The following FNBP1L variants were observed in gnomAD, a reference collection of about 807,000 sequenced individuals.
The protein encoded by FNBP1L is formin-binding protein 1-like.
A neutral mutation model predicts 91.2 loss-of-function variants in FNBP1L; 36 were observed. That is an observed-to-expected ratio of 0.39 (90% confidence interval 0.30 to 0.52). The LOEUF (loss-of-function observed/expected upper bound fraction) is 0.52. Ranked by LOEUF, FNBP1L falls within the 20% of genes least tolerant of loss-of-function variation. The probability of loss-of-function intolerance (pLI) is 0.66; values close to 1 mark genes in which losing one functional copy is unlikely to be tolerated. For missense variants in FNBP1L, 571 were observed against 732.1 expected (o/e 0.78, Z 2.54); for synonymous variants, 242 against 237.0 (o/e 1.02, Z -0.19).
intron 2 of FNBP1L, among the ~76,000 whole-genome samples, chr1:93,511,986 A>G (rs897807227): frequency 4.6e-5 from 7 of 150,602 alleles, no homozygotes; most frequent in Non-Finnish European, 5.9e-5. Flanking sequence ...AAAAAAAAAA[A>G]AAGAGTCAAG....
intron 5 of FNBP1L, among the ~76,000 whole-genome samples, chr1:93,527,803 A>G (rs1302764709): frequency 2.6e-5 from 4 of 152,172 alleles, no homozygotes; most frequent in Non-Finnish European, 4.4e-5. Context: ...AATATGCAGG[A>G]AAGAAGGCAA....
intron 1 of FNBP1L, among the ~76,000 whole-genome samples, chr1:93,451,274 T>TA (rs1570752854): frequency 2.0e-5 from 3 of 152,228 alleles, no homozygotes; most frequent in East Asian, 3.8e-4. Flanking sequence ...AGCTTTTTTT[T>TA]AACAGATAGG....
At chr1:93,546,109 G>A (rs532655910) in intron 12 of FNBP1L, among the ~76,000 whole-genome samples, 2 of 152,128 alleles carry the variant, frequency 1.3e-5, no homozygotes, top group Admixed American at 6.5e-5. Context: ...AGGAAGAGAC[G>A]AGAAGAAACC....
chr1:93,551,318 T>G, intron 16 of FNBP1L: 1 of 1,241,714 alleles, frequency 8.1e-7, no homozygotes, highest in Non-Finnish European at 1.0e-6. Context: ...ACTGTTTGAG[T>G]AACGTTGGTG....
chr1:93,516,493 A>G (rs1011979647), intron 2 of FNBP1L, among the ~76,000 whole-genome samples: 3 of 152,288 alleles, frequency 2.0e-5, no homozygotes, highest in Middle Eastern at 3.4e-3. Flanking sequence ...TCCCTTGACC[A>G]CTAATAAACT....
At chr1:93,531,880 C>A (rs1404579185) in intron 7 of FNBP1L, among the ~76,000 whole-genome samples, 2 of 151,484 alleles carry the variant, frequency 1.3e-5, no homozygotes, top group African/African-American at 2.4e-5. Flanking sequence ...TAACTGCTGT[C>A]AATGAAACAG....
rs750218936 is a variant in FNBP1L, at chr1:93,553,613, C to T, written c.*1197C>T. The stretch of plus-strand genomic sequence containing the variant: ...GATAATTACAATGATAGTCTCTTTC[C>T]ACGTGATGCTTTTGTTTGAACCTGA... On this transcript the variant is annotated 3_prime_UTR_variant, in exon 17 of 17. Coordinates refer to ENST00000271234, the MANE Select transcript of FNBP1L (RefSeq NM_001164473.3). 6.6e-6 allele frequency: 1 copy of T among 152,564 alleles called. No individual in the cohort carries two copies. Among genetic ancestry groups the T allele is most frequent in the Non-Finnish European group, 1.5e-5 (1 of 68,020 alleles). 9.5% of individuals were successfully genotyped at this position (152,564 alleles called of 1,614,324 possible). A position where few individuals can be genotyped will look rare whatever the true frequency, so the allele number is the denominator to read the frequency against.
chr1:93,542,699 T>A (rs780646058), intron 11 of FNBP1L, among the ~76,000 whole-genome samples: 4 of 151,728 alleles, frequency 2.6e-5, no homozygotes, highest in Non-Finnish European at 5.9e-5. Flanking sequence ...AAGAGCAAGA[T>A]CGTATTTGTT....
rs1570859123 is a variant in FNBP1L at position 93,534,618 on chromosome 1, TG to T, written c.787-86del. On this transcript the variant is annotated intron_variant, in intron 8 of 16. Coordinates refer to ENST00000271234, the MANE Select transcript of FNBP1L (RefSeq NM_001164473.3). ...ATTATTTATTTAAACTTATATTTGT[TG>T]TTTTTTTGTACTGAAAAAGTTATGA... 6 of 765,702 alleles carry T rather than the reference TG, an allele frequency of 7.8e-6. No homozygotes were observed. The East Asian group carries it at 1.4e-4, about 17-fold the overall frequency. The allele number at this position is 765,702 out of a possible 1,614,324, so 47.4% of individuals were successfully genotyped here.
At chr1:93,524,917 A>G (rs1671447580) in intron 5 of FNBP1L, among the ~76,000 whole-genome samples, 1 of 152,044 alleles carries the variant, frequency 6.6e-6, no homozygotes, top group Admixed American at 6.6e-5. Context: ...AAGGCATAAT[A>G]ATTATTTACT....
chr1:93,476,930 C>T (rs1669518024), intron 1 of FNBP1L, among the ~76,000 whole-genome samples: 2 of 152,152 alleles, frequency 1.3e-5, no homozygotes, highest in South Asian at 4.1e-4. Context: ...CATAAATTGA[C>T]ATCTCTCCAT....
chr1:93,551,052 A>G lies in FNBP1L; in HGVS notation c.1757A>G (p.Glu586Gly). ...WTRARRQNGE[E>G]GYVPTSYIDV... ...AGAGCTCGGAGACAGAACGGTGAAG[A>G]AGGCTACGTTCCCACGTCATACATA... The change falls in exon 16 of 17, where the codon GAA becomes GGA. Residue 586 changes from glutamate to glycine, a missense_variant. Transcript: ENST00000271234. The G allele has an allele frequency of 3.7e-6, 6 of 1,613,018 alleles. No homozygotes were observed. The highest frequency in any genetic ancestry group is 5.1e-6 in the Non-Finnish European group (6 of 1,179,356).
intron 2 of FNBP1L, among the ~76,000 whole-genome samples, chr1:93,513,887 C>G (rs1301541688): frequency 6.6e-6 from 1 of 152,186 alleles, no homozygotes; most frequent in African/African-American, 2.4e-5. Context: ...TCTCACCACT[C>G]CTTTTCAACA....
chr1:93,449,974 A>G (rs1668432789), intron 1 of FNBP1L, among the ~76,000 whole-genome samples: 1 of 152,104 alleles, frequency 6.6e-6, no homozygotes. Context: ...ACTTTTGCCT[A>G]CTTAAATGAC....
intron 1 of FNBP1L, 44 bp downstream of exon 1, chr1:93,448,349 A>G: frequency 6.8e-7 from 1 of 1,474,732 alleles, no homozygotes; most frequent in African/African-American, 1.5e-5. Context: ...CCGGCCCCTG[A>G]GAAGCGCGGG....
intron 2 of FNBP1L, among the ~76,000 whole-genome samples, chr1:93,505,514 A>G (rs575198000): frequency 6.6e-6 from 1 of 152,312 alleles, no homozygotes; most frequent in Non-Finnish European, 1.5e-5. Context: ...AGAAAGGTAA[A>G]AACACTTTTA....
intron 14 of FNBP1L, 72 bp downstream of exon 14, chr1:93,547,513 A>G: frequency 2.3e-6 from 3 of 1,295,870 alleles, no homozygotes; most frequent in Non-Finnish European, 3.2e-6. Flanking sequence ...AACTTTATAC[A>G]ATTCGTTTTT....
At position 93,477,398 on chromosome 1, in the gene FNBP1L, C is replaced by T. The variant is rs145876682; in HGVS notation, c.25-22070C>T. Among the ~76,000 whole-genome samples the T allele has an allele frequency of 5.6e-3, 848 of 152,254 alleles. 11 individuals are homozygous for T. Among genetic ancestry groups the T allele is most frequent in the African/African-American group, 0.02 (813 of 41,554 alleles). On this transcript the variant is annotated intron_variant, in intron 1 of 16. Transcript: ENST00000271234. ...GCTGAATTATCTGTTGGAATAAAAA[C>T]GAGGTGAATGTAAACCTATTTAGAT...
intron 1 of FNBP1L, among the ~76,000 whole-genome samples, chr1:93,452,512 G>T (rs1186853258): frequency 3.9e-5 from 6 of 152,178 alleles, no homozygotes. Context: ...TAAATAATTG[G>T]TGAAATCTTA....
Sources: allele counts gnomAD v4.1 joint callset (sites outside exome capture counted in the v4.1 genomes callset), GRCh38; gene constraint gnomAD v4.1.1; transcripts MANE v1.5; gene names NCBI Gene and HGNC (gene_info 2026-07-23, HGNC 2026-07-21).